Variants in TLE1 observed in about 807,000 individuals in gnomAD.
TLE1 encodes the protein TLE family member 1, transcriptional corepressor, also known as transducin-like enhancer protein 1.
A neutral mutation model predicts 89.8 loss-of-function variants in TLE1; 21 were observed. That is an observed-to-expected ratio of 0.23 (90% CI 0.17 to 0.34). TLE1 has a LOEUF of 0.34. TLE1 is among the 10% of genes least tolerant of loss of function. TLE1 has a pLI of 1.00. For synonymous variants in TLE1, 447 were observed against 407.6 expected (o/e 1.10, Z -1.16); for missense variants, 795 against 1,031.2 (o/e 0.77, Z 3.14).
intron 16 of TLE1, among the ~76,000 whole-genome samples, chr9:81,588,238 A>C (rs1299957209): frequency 6.6e-6 from 1 of 152,188 alleles, no homozygotes; most frequent in African/African-American, 2.4e-5. Flanking sequence ...CTGTTCTTTA[A>C]TCGTGCAGGC....
intron 9 of TLE1, 140 bp downstream of exon 9, chr9:81,620,301 A>C: frequency 1.4e-6 from 1 of 715,666 alleles, no homozygotes; most frequent in Non-Finnish European, 2.3e-6. Context: ...GGGAAATACT[A>C]TCCTACAATG....
chr9:81,663,684 G>A lies in TLE1; in HGVS notation c.235-9648C>T, dbSNP rs562095313. On this transcript the variant is annotated intron_variant, in intron 4 of 19. Coordinates refer to ENST00000376499, the MANE Select transcript of TLE1 (RefSeq NM_005077.5). ...GTCACCCAGGCTGGAGTGCAGTGGC[G>A]CAATCTCGGCTCACTGCAAGCTCTG... 1.0e-4 allele frequency among the ~76,000 whole-genome samples: 15 copies of A among 150,044 alleles called. No homozygotes were observed. In the South Asian group the frequency reaches 2.1e-3, roughly 21 times the overall value.
At position 81,686,002 on chromosome 9, in the gene TLE1, G is replaced by A. The variant is rs181396886; in HGVS notation, c.126-106C>T. On this transcript the variant is annotated intron_variant, in intron 2 of 19. Transcript: ENST00000376499. ...TAAAAACACAGACCAATTTGGAAAA[G>A]CCATAAACTATCTAGGTAAACACCC... The A allele has an allele frequency of 4.1e-4, 494 of 1,205,994 alleles. 2 individuals carry two copies. The highest frequency in any genetic ancestry group is 3.8e-4 in the South Asian group (29 of 76,520). 74.7% of individuals were successfully genotyped at this position (1,205,994 alleles called of 1,614,324 possible). A position where few individuals can be genotyped will look rare whatever the true frequency, so the allele number is the denominator to read the frequency against.
chr9:81,634,728 G>A (rs1311485868), intron 6 of TLE1, among the ~76,000 whole-genome samples: 2 of 152,104 alleles, frequency 1.3e-5, no homozygotes, highest in Admixed American at 6.5e-5. Flanking sequence ...CAGATTTTCA[G>A]ACTCACGCTG....
At chr9:81,620,133 G>A (rs1224118168) in intron 9 of TLE1, among the ~76,000 whole-genome samples, 3 of 151,462 alleles carry the variant, frequency 2.0e-5, no homozygotes, top group African/African-American at 4.9e-5. Flanking sequence ...ACCAAGGGAG[G>A]CGGGGGGCCC....
In TLE1 at chr9:81,647,085, G is replaced by T. The variant is rs561230703; in HGVS notation, c.372+5129C>A. On this transcript the variant is annotated intron_variant, in intron 6 of 19. Transcript: ENST00000376499. The stretch of plus-strand genomic sequence containing the variant: ...ATATGTAAACAAACTCAAATTTCTT[G>T]ATCTCCTGAAGTTCACAGGCATTAC... Among the ~76,000 whole-genome samples, 3 of 151,720 alleles carry T rather than the reference G, an allele frequency of 2.0e-5. No individual in the cohort carries two copies. The East Asian group carries it at 5.9e-4, about 30-fold the overall frequency.
intron 4 of TLE1, among the ~76,000 whole-genome samples, chr9:81,667,706 T>C (rs1230422528): frequency 6.9e-6 from 1 of 145,202 alleles, no homozygotes; most frequent in East Asian, 2.5e-4. Context: ...GCCCTTGAGC[T>C]GTATTCCTGC....
chr9:81,670,538 C>A (rs1205126391), intron 4 of TLE1, among the ~76,000 whole-genome samples: 1 of 152,058 alleles, frequency 6.6e-6, no homozygotes, highest in Non-Finnish European at 1.5e-5. Context: ...ATTGGCCAGA[C>A]TGGTCTCGAA....
At chr9:81,589,885 A>G (rs1829231216) in intron 16 of TLE1, among the ~76,000 whole-genome samples, 1 of 152,132 alleles carries the variant, frequency 6.6e-6, no homozygotes, top group Non-Finnish European at 1.5e-5. Context: ...TAACTGCCGC[A>G]CTGTCACCCA....
rs1342377475 is a variant in TLE1, at chr9:81,593,219, G to A, written c.1387C>T (p.Pro463Ser). 1.2e-6 allele frequency: 2 copies of A among 1,614,188 alleles called. No individual in the cohort carries two copies. The highest frequency in any genetic ancestry group is 1.1e-5 in the South Asian group (1 of 91,078). ...DGQMQPVPFP[P>S]DALIGPGIPR... is the part of the protein sequence containing the mutation. ...ATTCCGGGTCCGATGAGGGCGTCGG[G>A]GGGAAAAGGGACAGGCTGCATCTGA... Residue 463 changes from proline (P) to serine (S), a missense_variant, in exon 15 of 20, where the codon CCC becomes TCC. Pro to Ser is a moderately conservative substitution (Grantham distance 74). This residue lies in a region of TLE1 where 468 missense variants were observed against 509.1 expected (regional missense o/e 0.92). Transcript: ENST00000376499.
chr9:81,589,426 C>T (rs1038221872), intron 16 of TLE1, among the ~76,000 whole-genome samples: 2 of 152,142 alleles, frequency 1.3e-5, no homozygotes, highest in Non-Finnish European at 2.9e-5. Flanking sequence ...TTTACATGGC[C>T]CTATTACATG....
chr9:81,603,614 A>G (rs1831240780), intron 14 of TLE1, among the ~76,000 whole-genome samples: 2 of 152,192 alleles, frequency 1.3e-5, no homozygotes, highest in South Asian at 4.1e-4. Flanking sequence ...CCCCCAATAT[A>G]TCTATCTCTT....
chr9:81,641,224 T>A (rs1166747393), intron 6 of TLE1, among the ~76,000 whole-genome samples: 2 of 33,200 alleles, frequency 6.0e-5, no homozygotes, highest in Non-Finnish European at 1.3e-4. Context: ...AATAAATAAA[T>A]AAAAATAAAG....
intron 16 of TLE1, 109 bp from the exon 17 acceptor site, chr9:81,587,937 T>TGTGTGTGTGTGTGTGTGTGA (rs1828821650): frequency 1.8e-6 from 2 of 1,099,566 alleles, no homozygotes; most frequent in Non-Finnish European, 2.5e-6. Context: ...TGTGTGTGTG[T>TGTGTGTGTGTGTGTGTGTGA]GTGTGTGTGA....
chr9:81,605,051 CT>C (rs1364472065), intron 14 of TLE1, among the ~76,000 whole-genome samples: 2 of 152,188 alleles, frequency 1.3e-5, no homozygotes, highest in Admixed American at 1.3e-4. Context: ...TGGAGCATGC[CT>C]GGCATCGCAC....
At chr9:81,677,323 T>TG (rs1833019014) in intron 4 of TLE1, among the ~76,000 whole-genome samples, 1 of 151,842 alleles carries the variant, frequency 6.6e-6, no homozygotes, top group South Asian at 2.1e-4. Context: ...CCCAGCACTT[T>TG]GGGAGGCTGA....
In TLE1 at chr9:81,610,083, T is replaced by G. The variant is rs73468074; in HGVS notation, c.1331+137A>C. ...CAAGCTGCCTATTTATAGAAAGTGT[T>G]AACACTCCTCAGGAAAAGACACCAG... On this transcript the variant is annotated intron_variant, in intron 14 of 19. Coordinates refer to ENST00000376499, the MANE Select transcript of TLE1 (RefSeq NM_005077.5). 2.9e-3 allele frequency: 2,069 copies of G among 719,502 alleles called. 29 individuals carry two copies. The African/African-American group carries it at 0.03, about 10-fold the overall frequency. 44.6% of individuals were successfully genotyped at this position (719,502 alleles called of 1,614,324 possible). A position where few individuals can be genotyped will look rare whatever the true frequency, so the allele number is the denominator to read the frequency against.
intron 4 of TLE1, among the ~76,000 whole-genome samples, chr9:81,660,320 G>A (rs1830605628): frequency 6.7e-6 from 1 of 148,352 alleles, no homozygotes; most frequent in Non-Finnish European, 1.5e-5. Context: ...TTACTAAACA[G>A]TGCTAGACAA....
intron 10 of TLE1, 109 bp downstream of exon 10, chr9:81,616,537 A>G: frequency 2.7e-6 from 3 of 1,120,924 alleles, no homozygotes; most frequent in Non-Finnish European, 4.0e-6. Flanking sequence ...AAGAAGTTGC[A>G]AGAGGTCCCC....
Sources: allele counts gnomAD v4.1 joint callset (sites outside exome capture counted in the v4.1 genomes callset), GRCh38; gene constraint gnomAD v4.1.1; regional missense constraint gnomAD v4.1.1; transcripts MANE v1.5; gene names NCBI Gene and HGNC (gene_info 2026-07-23, HGNC 2026-07-21).